NAV2: variants seen among roughly 807,000 people sequenced by gnomAD.
NAV2 encodes helicase, APC down-regulated 1.
Under a neutral mutation model 223.2 loss-of-function variants are expected in NAV2, and 54 were observed. That is an observed-to-expected ratio of 0.24 (90% CI 0.19 to 0.30). The LOEUF (loss-of-function observed/expected upper bound fraction) is 0.30. Ranked by LOEUF, NAV2 falls within the 10% of genes least tolerant of loss-of-function variation. The pLI, the probability that NAV2 is intolerant of heterozygous loss-of-function variation, is 1.00. For missense variants in NAV2, 2,806 were observed against 3,147.5 expected (o/e 0.89, Z 2.60); for synonymous variants, 1,279 against 1,239.3 (o/e 1.03, Z -0.67).
chr11:19,855,602 A>G (rs2061372704), intron 3 of NAV2, among the ~76,000 whole-genome samples: 1 of 152,138 alleles, frequency 6.6e-6, no homozygotes, highest in Non-Finnish European at 1.5e-5. Context: ...CCCCTGAAGG[A>G]ATATGAAGGC....
At chr11:19,350,851 CTCTG>C (rs1196169807) in exon 1 of NAV2, 13 of 1,167,828 alleles carry the variant, frequency 1.1e-5, no homozygotes, top group African/African-American at 3.1e-5. Flanking sequence ...CTGGCGGGAA[CTCTG>C]TCTGGCTGTT....
At chr11:19,972,472 T>G (rs1591485215) in intron 10 of NAV2, among the ~76,000 whole-genome samples, 1 of 152,212 alleles carries the variant, frequency 6.6e-6, no homozygotes, top group South Asian at 2.1e-4. Context: ...TGGTTTATTT[T>G]TTGAATCCCA....
intron 1 of NAV2, among the ~76,000 whole-genome samples, chr11:19,582,605 C>T (rs1168940219): frequency 1.3e-5 from 2 of 152,182 alleles, no homozygotes; most frequent in Admixed American, 1.3e-4. Context: ...TTTCCCAGCA[C>T]CATTTATTAA....
chr11:19,442,849 G>A, intron 1 of NAV2, among the ~76,000 whole-genome samples: 1 of 152,198 alleles, frequency 6.6e-6, no homozygotes, highest in Non-Finnish European at 1.5e-5. Context: ...TGTTTCCCTT[G>A]ACTAAAGCAG....
chr11:19,773,347 A>G (rs1003950874), intron 1 of NAV2, among the ~76,000 whole-genome samples: 2 of 152,174 alleles, frequency 1.3e-5, no homozygotes, highest in African/African-American at 2.4e-5. Context: ...GGTCAGCCCC[A>G]CCAGGGGCTC....
intron 1 of NAV2, among the ~76,000 whole-genome samples, chr11:19,517,453 G>T (rs1565007011): frequency 1.3e-5 from 2 of 152,154 alleles, no homozygotes; most frequent in Non-Finnish European, 2.9e-5. Flanking sequence ...AAGTAAAACT[G>T]CCCCCAAATT....
chr11:19,437,204 G>A (rs1851246463), intron 1 of NAV2, among the ~76,000 whole-genome samples: 1 of 152,100 alleles, frequency 6.6e-6, no homozygotes, highest in African/African-American at 2.4e-5. Context: ...CATTTAACTG[G>A]AAGGTCCCAG....
At position 20,041,152 on chromosome 11, in the gene NAV2, G is replaced by C. The variant is rs192314736; in HGVS notation, c.2908-2829G>C. Among the ~76,000 whole-genome samples, 44 of 152,234 alleles carry C rather than the reference G, an allele frequency of 2.9e-4. 1 individual carries two copies. Among genetic ancestry groups the C allele is most frequent in the Admixed American group, 2.7e-3 (41 of 15,290 alleles). Reference sequence around the variant, plus strand: ...CCAGTATGGAAGGAGAATCTGCTGGGTATAGCTATTAGGTGCTACTGAGTA... The same window carrying C: ...CCAGTATGGAAGGAGAATCTGCTGGCTATAGCTATTAGGTGCTACTGAGTA... On this transcript the variant is annotated intron_variant, in intron 12 of 37. Coordinates refer to ENST00000349880, the MANE Select transcript of NAV2 (RefSeq NM_145117.5).
chr11:19,577,784 T>C (rs892625681), intron 1 of NAV2, among the ~76,000 whole-genome samples: 5 of 152,100 alleles, frequency 3.3e-5, no homozygotes, highest in East Asian at 3.9e-4. Flanking sequence ...GGCCCCACTA[T>C]TGGGGGCTGC....
intron 1 of NAV2, among the ~76,000 whole-genome samples, chr11:19,458,356 G>A (rs1590240220): frequency 6.6e-6 from 1 of 152,178 alleles, no homozygotes; most frequent in Non-Finnish European, 1.5e-5. Context: ...CATTAGGTGG[G>A]GGATCCTTTA....
At chr11:19,624,283 C>G (rs1021684539) in intron 1 of NAV2, among the ~76,000 whole-genome samples, 1 of 152,190 alleles carries the variant, frequency 6.6e-6, no homozygotes, top group African/African-American at 2.4e-5. Context: ...TACCACTACT[C>G]TCTTCAAAGC....
chr11:19,759,590 A>G (rs754474084), intron 1 of NAV2, among the ~76,000 whole-genome samples: 8 of 152,186 alleles, frequency 5.3e-5, no homozygotes, highest in Non-Finnish European at 7.3e-5. Flanking sequence ...GAGGCCAGGA[A>G]CAACATGGAG....
intron 1 of NAV2, among the ~76,000 whole-genome samples, chr11:19,429,448 T>A (rs55905408): frequency 0.12 from 18,827 of 152,216 alleles, 1,467 homozygotes; most frequent in East Asian, 0.27. Flanking sequence ...ATGTTGATTC[T>A]GCCAGTTACC....
chr11:20,044,575 G>T (rs1344707150), intron 13 of NAV2, among the ~76,000 whole-genome samples: 1 of 152,184 alleles, frequency 6.6e-6, no homozygotes, highest in East Asian at 1.9e-4. Flanking sequence ...AGCTGTGGGT[G>T]TATGGTGAGT....
intron 1 of NAV2, among the ~76,000 whole-genome samples, chr11:19,465,554 G>GT (rs1852321706): frequency 2.0e-5 from 3 of 152,314 alleles, no homozygotes; most frequent in Admixed American, 2.0e-4. Flanking sequence ...CTTTTTGTGT[G>GT]TTGGAAAGTT....
At chr11:19,354,686 G>A (rs1042658771) in intron 1 of NAV2, among the ~76,000 whole-genome samples, 2 of 152,236 alleles carry the variant, frequency 1.3e-5, no homozygotes, top group African/African-American at 4.8e-5. Context: ...ACACACCTAT[G>A]CAGCCACAGA....
intron 1 of NAV2, among the ~76,000 whole-genome samples, chr11:19,809,059 C>T (rs1166182694): frequency 2.0e-5 from 3 of 152,168 alleles, no homozygotes; most frequent in African/African-American, 7.2e-5. Context: ...TGTTTGGGCA[C>T]AAATAGTTCT....
At chr11:19,374,789 T>C (rs988766951) in intron 1 of NAV2, among the ~76,000 whole-genome samples, 4 of 152,212 alleles carry the variant, frequency 2.6e-5, no homozygotes, top group Non-Finnish European at 5.9e-5. Flanking sequence ...TCTCCAACTG[T>C]TTGGCCCACC....
chr11:19,998,386 C>G lies in NAV2; in HGVS notation c.2768+14139C>G, dbSNP rs138223030. On this transcript the variant is annotated intron_variant, in intron 11 of 37. Coordinates refer to ENST00000349880, the MANE Select transcript of NAV2 (RefSeq NM_145117.5). This position sits in a 1 kb window ranked among gnomAD's most constrained non-coding sequence, Gnocchi z 5.0. ...AGCTCTCCCACTGCAGCCTTCCAGG[C>G]CCACTGTACCCACCAGGGCCTTCAT... Among the ~76,000 whole-genome samples the G allele has an allele frequency of 6.6e-6, 1 of 152,130 alleles. No individual in the cohort carries two copies. The highest frequency in any genetic ancestry group is 2.4e-5 in the African/African-American group (1 of 41,432).
Sources: gnomAD v4.1 joint callset for allele counts (sites outside exome capture counted in the v4.1 genomes callset) on GRCh38, gnomAD v4.1.1 for gene constraint, Gnocchi (gnomAD v3.1) non-coding constraint, MANE v1.5 for transcripts, NCBI Gene and HGNC (gene_info 2026-07-23, HGNC 2026-07-21) for gene names.